MBD5: variants seen among roughly 807,000 people sequenced by gnomAD.
MBD5 encodes the protein methyl-CpG binding domain protein 5.
MBD5 carries 13 observed loss-of-function variants against 117.3 expected under a neutral mutation model. The ratio of observed to expected loss-of-function variants is 0.11; its 90% CI spans 0.07 to 0.18. The LOEUF is 0.18. MBD5 is among the 10% of genes least tolerant of loss of function. MBD5 has a pLI of 1.00. For synonymous variants in MBD5, 727 were observed against 766.4 expected (o/e 0.95, Z 0.85); for missense variants, 1,879 against 2,093.8 (o/e 0.90, Z 2.00).
chr2:148,024,377 A>G (rs1174024327), intron 1 of MBD5, among the ~76,000 whole-genome samples: 1 of 152,204 alleles, frequency 6.6e-6, no homozygotes. Context: ...ATAAGAATAA[A>G]TGGAATGCAT....
chr2:148,073,270 G>A (rs1276936222), intron 1 of MBD5, among the ~76,000 whole-genome samples: 4 of 152,064 alleles, frequency 2.6e-5, no homozygotes, highest in African/African-American at 9.7e-5. Flanking sequence ...TTATCATTTG[G>A]GGTAGGGGGT....
chr2:148,485,643 A>T, intron 9 of MBD5, 99 bp from the exon 10 acceptor site: 2 of 882,176 alleles, frequency 2.3e-6, no homozygotes, highest in Non-Finnish European at 3.7e-6. Flanking sequence ...AAGTAAGCAT[A>T]GCACTTAGTT....
At chr2:148,187,932 A>C (rs1289729089) in intron 2 of MBD5, among the ~76,000 whole-genome samples, 2 of 152,218 alleles carry the variant, frequency 1.3e-5, no homozygotes, top group Non-Finnish European at 1.5e-5. Flanking sequence ...TAAGTAAAAA[A>C]CACTGAAAAA....
chr2:148,078,724 G>A (rs935800211), intron 1 of MBD5, among the ~76,000 whole-genome samples: 5 of 152,158 alleles, frequency 3.3e-5, no homozygotes, highest in African/African-American at 1.2e-4. Flanking sequence ...CTCTTTCAGA[G>A]CTGATATCTA....
rs974655795 is a variant in MBD5, at chr2:148,403,850, G to C, written c.-556-54353G>C. Among the ~76,000 whole-genome samples, 5 of 151,990 alleles carry C rather than the reference G, an allele frequency of 3.3e-5. No homozygotes were observed. The South Asian group carries it at 1.0e-3, about 32-fold the overall frequency. ...TACAGATTTGTGCCATGGCCAAAAG[G>C]ATCACTTATGTTACCCACCTCTTTC... On this transcript the variant is annotated intron_variant, in intron 4 of 13. Coordinates refer to ENST00000642680, the MANE Select transcript of MBD5 (RefSeq NM_001378120.1).
intron 1 of MBD5, among the ~76,000 whole-genome samples, chr2:148,119,703 T>C (rs919823426): frequency 6.6e-6 from 1 of 152,136 alleles, no homozygotes; most frequent in Non-Finnish European, 1.5e-5. Flanking sequence ...AGTGATCCAA[T>C]ATCATTCTTT....
intron 1 of MBD5, among the ~76,000 whole-genome samples, chr2:148,049,340 ATCTG>A (rs1025557287): frequency 1.3e-4 from 20 of 152,302 alleles, no homozygotes; most frequent in African/African-American, 2.9e-4. Context: ...ATTTATGGAA[ATCTG>A]TCAGTGGGAG....
intron 1 of MBD5, among the ~76,000 whole-genome samples, chr2:148,095,065 T>A (rs2105258111): frequency 6.6e-6 from 1 of 152,274 alleles, no homozygotes; most frequent in East Asian, 1.9e-4. Flanking sequence ...AATAAAACTG[T>A]GGCAAGTGAT....
intron 4 of MBD5, among the ~76,000 whole-genome samples, chr2:148,397,949 C>G (rs1340058834): frequency 6.6e-6 from 1 of 152,106 alleles, no homozygotes; most frequent in African/African-American, 2.4e-5. Context: ...TGATGGTTTC[C>G]AGCTTCATCC....
intron 8 of MBD5, among the ~76,000 whole-genome samples, chr2:148,474,066 T>G (rs1680880903): frequency 6.6e-6 from 1 of 152,150 alleles, no homozygotes; most frequent in African/African-American, 2.4e-5. Flanking sequence ...AACTGCCAAA[T>G]GCAGGTATGT....
At chr2:148,097,106 A>T (rs980100565) in intron 1 of MBD5, among the ~76,000 whole-genome samples, 2 of 152,230 alleles carry the variant, frequency 1.3e-5, no homozygotes, top group African/African-American at 4.8e-5. Flanking sequence ...ACTGATATTT[A>T]TGATAAATTT....
intron 1 of MBD5, among the ~76,000 whole-genome samples, chr2:148,035,696 C>T (rs528957609): frequency 2.6e-5 from 4 of 152,208 alleles, no homozygotes; most frequent in East Asian, 1.9e-4. Flanking sequence ...ATTGCAAAAA[C>T]GTTAAGAGCA....
intron 4 of MBD5, among the ~76,000 whole-genome samples, chr2:148,356,552 A>G (rs1703385492): frequency 6.6e-6 from 1 of 152,180 alleles, no homozygotes; most frequent in African/African-American, 2.4e-5. Context: ...ACAATGCTAT[A>G]TAACCAGCTG....
chr2:148,178,039 C>G (rs77071164), intron 1 of MBD5, among the ~76,000 whole-genome samples: 1,873 of 152,242 alleles, frequency 0.012, 45 homozygotes, highest in African/African-American at 0.043. Context: ...ACTGTAGAAT[C>G]CAAATCCTGT....
At position 148,454,872 on chromosome 2, in the gene MBD5, A is replaced by AT. The variant is rs922972574; in HGVS notation, c.-556-3324dup. ...ATCAATGGTTCCATAGACATTTAGG[A>AT]TTTTTTTGTTTCTGTGAAGAATGTC... On this transcript the variant is annotated intron_variant, in intron 4 of 13. Transcript: ENST00000642680. 2.0e-3 allele frequency among the ~76,000 whole-genome samples: 299 copies of AT among 152,160 alleles called. 5 individuals are homozygous for AT. The highest frequency in any genetic ancestry group is 1.1e-3 in the Non-Finnish European group (76 of 67,984).
rs75893103 is a variant in MBD5 at position 148,187,091 on chromosome 2, C to T, written c.-831+8298C>T. Among the ~76,000 whole-genome samples the T allele has an allele frequency of 5.0e-3, 766 of 152,024 alleles. 4 individuals are homozygous for T. The highest frequency in any genetic ancestry group is 8.5e-3 in the Non-Finnish European group (577 of 68,012). On this transcript the variant is annotated intron_variant, in intron 2 of 13. Transcript: ENST00000642680. ...TGAACCGCTGCTGGGTACAGTGGCA[C>T]GTGCCTATAGTCCTACCTACTCAGG...
chr2:148,479,881 A>T (rs1349258445), intron 8 of MBD5, among the ~76,000 whole-genome samples: 1 of 151,988 alleles, frequency 6.6e-6, no homozygotes, highest in Non-Finnish European at 1.5e-5. Flanking sequence ...ACCTCTTAGC[A>T]TATTGCCTTA....
intron 3 of MBD5, among the ~76,000 whole-genome samples, chr2:148,250,817 T>C (rs1049865542): frequency 6.6e-6 from 1 of 152,162 alleles, no homozygotes; most frequent in African/African-American, 2.4e-5. Context: ...TAGATGTAAA[T>C]GCCTTGCCCA....
intron 1 of MBD5, chr2:148,041,073 A>C (rs1479075867): frequency 1.3e-5 from 2 of 152,300 alleles, no homozygotes; most frequent in Non-Finnish European, 2.9e-5. Context: ...GTGATCCTCT[A>C]ACCTCAGCCT....
Sources: gnomAD v4.1 joint callset for allele counts (sites outside exome capture counted in the v4.1 genomes callset) on GRCh38, gnomAD v4.1.1 for gene constraint, MANE v1.5 for transcripts, NCBI Gene and HGNC (gene_info 2026-07-23, HGNC 2026-07-21) for gene names.